ENOX1: variants seen among roughly 807,000 people sequenced by gnomAD.
ENOX1 encodes the protein ecto-NOX disulfide-thiol exchanger 1.
A neutral mutation model predicts 82.5 loss-of-function variants in ENOX1; 42 were observed. The observed-to-expected ratio is 0.51, with a 90% CI of 0.40 to 0.66. ENOX1 has a LOEUF of 0.66. Among genes scored for constraint, ENOX1 ranks in the 30% least tolerant of loss-of-function variants. The probability of loss-of-function intolerance (pLI) is 0.00; values close to 1 mark genes in which losing one functional copy is unlikely to be tolerated. For missense variants in ENOX1, 608 were observed against 811.6 expected, an observed-to-expected ratio of 0.75 and a Z score of 3.05; for synonymous variants, 271 against 282.2, an observed-to-expected ratio of 0.96 and a Z score of 0.40.
chr13:43,354,240 G>A (rs1464585822), intron 8 of ENOX1, among the ~76,000 whole-genome samples: 2 of 152,232 alleles, frequency 1.3e-5, no homozygotes, highest in African/African-American at 4.8e-5. Context: ...AAAGTGAGAT[G>A]ATATCTGTAT....
At chr13:43,482,816 A>G (rs1177589918) in intron 3 of ENOX1, among the ~76,000 whole-genome samples, 7 of 152,128 alleles carry the variant, frequency 4.6e-5, no homozygotes, top group Admixed American at 4.6e-4. Flanking sequence ...TTCTGTTTCT[A>G]TGGATACAGT....
At chr13:43,474,195 G>C (rs900247407) in intron 3 of ENOX1, among the ~76,000 whole-genome samples, 1 of 152,064 alleles carries the variant, frequency 6.6e-6, no homozygotes, top group Non-Finnish European at 1.5e-5. Context: ...AAGATAGCGA[G>C]GGTTTTTGTT....
intron 1 of ENOX1, among the ~76,000 whole-genome samples, chr13:43,752,006 G>A (rs145805635): frequency 0.015 from 2,223 of 152,264 alleles, 49 homozygotes; most frequent in African/African-American, 0.049. Flanking sequence ...AACAGTGTGT[G>A]AAAATTCCAT....
At chr13:43,672,653 G>T (rs532976676) in intron 1 of ENOX1, among the ~76,000 whole-genome samples, 2 of 152,044 alleles carry the variant, frequency 1.3e-5, no homozygotes, top group Non-Finnish European at 2.9e-5. Context: ...TCTGCATATC[G>T]TGAGACCTAG....
chr13:43,681,984 T>A (rs996648285), intron 1 of ENOX1, among the ~76,000 whole-genome samples: 4 of 152,132 alleles, frequency 2.6e-5, no homozygotes, highest in African/African-American at 9.7e-5. Flanking sequence ...AGATCAGGTA[T>A]ACGGCCTCCT....
At chr13:43,266,505 G>A (rs1042055488) in intron 13 of ENOX1, among the ~76,000 whole-genome samples, 5 of 152,140 alleles carry the variant, frequency 3.3e-5, no homozygotes, top group Non-Finnish European at 7.4e-5. Flanking sequence ...TGAAGAAATT[G>A]AGGATCAGGT....
intron 14 of ENOX1, among the ~76,000 whole-genome samples, chr13:43,242,044 A>G (rs1358520056): frequency 6.6e-6 from 1 of 152,126 alleles, no homozygotes; most frequent in African/African-American, 2.4e-5. Flanking sequence ...TTTCTGTTGC[A>G]AAGCTTCTTG....
intron 8 of ENOX1, among the ~76,000 whole-genome samples, chr13:43,353,563 GCTC>G (rs2153554592): frequency 6.6e-6 from 1 of 152,316 alleles, no homozygotes; most frequent in Admixed American, 6.5e-5. Context: ...AGTGTCCTCA[GCTC>G]CTCCTGTCTG....
chr13:43,668,025 G>A (rs571425825), intron 1 of ENOX1, among the ~76,000 whole-genome samples: 4 of 152,264 alleles, frequency 2.6e-5, no homozygotes, highest in African/African-American at 9.6e-5. Flanking sequence ...TGAAATAAGA[G>A]TTACACACTT....
At chr13:43,732,384 T>C (rs1309147029) in intron 1 of ENOX1, among the ~76,000 whole-genome samples, 3 of 152,200 alleles carry the variant, frequency 2.0e-5, no homozygotes, top group Non-Finnish European at 4.4e-5. Flanking sequence ...GAGAATATAC[T>C]CTCAAATCCT....
chr13:43,464,940 A>G (rs1439919651), intron 3 of ENOX1, among the ~76,000 whole-genome samples: 1 of 152,200 alleles, frequency 6.6e-6, no homozygotes. Flanking sequence ...GTATTAGCCA[A>G]GTATTTTTAA....
In ENOX1 at chr13:43,633,626, A is replaced by T. The variant is rs185974347; in HGVS notation, c.-219+33853T>A. ...AATCTTTTAAGATATATTATTATATAAAAAAACAAGTTTCAGAGTAATGTG... is the reference window on the plus strand; with the variant it reads ...AATCTTTTAAGATATATTATTATATTAAAAAACAAGTTTCAGAGTAATGTG... On this transcript the variant is annotated intron_variant, in intron 2 of 16. Transcript: ENST00000690772. 6.6e-3 allele frequency among the ~76,000 whole-genome samples: 1,003 copies of T among 152,152 alleles called. 8 individuals carry two copies. Among genetic ancestry groups the T allele is most frequent in the African/African-American group, 0.023 (970 of 41,522 alleles).
chr13:43,388,859 A>G (rs2153580391), intron 5 of ENOX1, among the ~76,000 whole-genome samples: 1 of 152,232 alleles, frequency 6.6e-6, no homozygotes, highest in Admixed American at 6.5e-5. Context: ...GTTCAATCTT[A>G]TCCAACTGTG....
At chr13:43,242,388 A>G (rs966744953) in intron 14 of ENOX1, among the ~76,000 whole-genome samples, 2 of 152,236 alleles carry the variant, frequency 1.3e-5, no homozygotes, top group African/African-American at 4.8e-5. Context: ...GGCCCTTGCC[A>G]AAGTGTGCTC....
intron 2 of ENOX1, among the ~76,000 whole-genome samples, chr13:43,488,268 C>CTTT (rs1780454251): frequency 6.6e-6 from 1 of 152,154 alleles, no homozygotes; most frequent in Non-Finnish European, 1.5e-5. Context: ...GATCAAGGCC[C>CTTT]TTATAAAAGA....
rs531225694 is a variant in ENOX1, at chr13:43,601,839, C to T, written c.-219+65640G>A. Among the ~76,000 whole-genome samples the T allele has an allele frequency of 1.2e-4, 18 of 152,090 alleles. No individual in the cohort carries two copies. In the South Asian group the frequency reaches 3.5e-3, roughly 30 times the overall value. On this transcript the variant is annotated intron_variant, in intron 2 of 16. Transcript: ENST00000690772. The stretch of plus-strand genomic sequence containing the variant: ...AATAACATATAATGGAGCTCCAATA[C>T]GTCTGCTGGCAAACTTCTCAGTGGA...
At chr13:43,678,039 T>G (rs2085596884) in intron 1 of ENOX1, among the ~76,000 whole-genome samples, 1 of 152,144 alleles carries the variant, frequency 6.6e-6, no homozygotes, top group African/African-American at 2.4e-5. Flanking sequence ...TGATACCCTA[T>G]TTACTTGGAA....
chr13:43,391,376 T>C (rs2052764239), intron 5 of ENOX1, among the ~76,000 whole-genome samples: 1 of 152,180 alleles, frequency 6.6e-6, no homozygotes, highest in Non-Finnish European at 1.5e-5. Flanking sequence ...GTGCCAGTCA[T>C]GCTGATGAAC....
chr13:43,555,750 C>A (rs2079405394), intron 2 of ENOX1, among the ~76,000 whole-genome samples: 2 of 152,132 alleles, frequency 1.3e-5, no homozygotes, highest in Admixed American at 6.5e-5. Context: ...AACTAGTCTC[C>A]AAATCCTGGA....
Sources: gnomAD v4.1 joint callset for allele counts (sites outside exome capture counted in the v4.1 genomes callset) on GRCh38, gnomAD v4.1.1 for gene constraint, MANE v1.5 for transcripts, NCBI Gene and HGNC (gene_info 2026-07-23, HGNC 2026-07-21) for gene names.